The following FOCAD variants were observed in gnomAD, a reference collection of about 807,000 sequenced individuals.
The protein encoded by FOCAD is KIAA1797.
FOCAD carries 198 observed loss-of-function variants against 225.6 expected under a neutral mutation model. The observed-to-expected ratio is 0.88, with a 90% CI of 0.78 to 0.99. The LOEUF is 0.99. FOCAD is among the 50% of genes least tolerant of loss of function. FOCAD has a pLI of 0.00. For synonymous variants in FOCAD, 897 were observed against 755.0 expected, an observed-to-expected ratio of 1.19 and a Z score of -3.08; for missense variants, 2,713 against 2,123.6, an observed-to-expected ratio of 1.28 and a Z score of -5.46.
rs1192552794 is a variant in FOCAD, at chr9:20,664,876, G to A, written c.-78+6050G>A. Among the ~76,000 whole-genome samples the A allele has an allele frequency of 9.9e-5, 15 of 152,036 alleles. No homozygotes were observed. The East Asian group carries it at 2.9e-3, about 29-fold the overall frequency. On this transcript the variant is annotated intron_variant, in intron 2 of 45. Coordinates refer to the FOCAD transcript ENST00000380249. ...TTTAAATACATAAAGTTTAATGTATGTCATATTTACCTCAATAAAACTATT... is the reference window on the plus strand; with the variant it reads ...TTTAAATACATAAAGTTTAATGTATATCATATTTACCTCAATAAAACTATT...
chr9:20,689,694 A>G (rs1302002635), intron 1 of FOCAD, among the ~76,000 whole-genome samples: 3 of 152,132 alleles, frequency 2.0e-5, no homozygotes, highest in South Asian at 2.1e-4. Flanking sequence ...AGAGGAGAAG[A>G]CAGGTTAGAA....
intron 26 of FOCAD, among the ~76,000 whole-genome samples, chr9:20,928,256 C>T (rs1835145191): frequency 6.6e-6 from 1 of 152,090 alleles, no homozygotes; most frequent in African/African-American, 2.4e-5. Flanking sequence ...CATTACCATA[C>T]TTTTCAAAGC....
chr9:20,759,359 C>T (rs902651965), intron 6 of FOCAD, among the ~76,000 whole-genome samples: 2 of 152,156 alleles, frequency 1.3e-5, no homozygotes, highest in Non-Finnish European at 2.9e-5. Context: ...GGTACCAAAA[C>T]AGAGATATAG....
At position 20,948,251 on chromosome 9, in the gene FOCAD, T is replaced by C. The variant is rs781654597; in HGVS notation, c.3676-20T>C. 1.3e-6 allele frequency: 2 copies of C among 1,575,068 alleles called. No individual in the cohort carries two copies. Among genetic ancestry groups the C allele is most frequent in the South Asian group, 2.4e-5 (2 of 83,448 alleles). On this transcript the variant is annotated intron_variant, in intron 30 of 43. Coordinates refer to ENST00000338382, the MANE Select transcript of FOCAD (RefSeq NM_001375567.1). Reference sequence around the variant, plus strand: ...TTTTTTTTTTCTTTTTCTTACCCCATTTTTATTTATTTATATCAGACTTCA... The same window carrying C: ...TTTTTTTTTTCTTTTTCTTACCCCACTTTTATTTATTTATATCAGACTTCA...
At chr9:20,984,451 C>T (rs1330299889) in intron 39 of FOCAD, among the ~76,000 whole-genome samples, 1 of 151,922 alleles carries the variant, frequency 6.6e-6, no homozygotes. Flanking sequence ...AATTTAAAGA[C>T]TAGGAAAACT....
At chr9:20,888,573 T>G (rs1257009796) in intron 21 of FOCAD, among the ~76,000 whole-genome samples, 1 of 152,188 alleles carries the variant, frequency 6.6e-6, no homozygotes, top group African/African-American at 2.4e-5. Context: ...TTTTCCTGTG[T>G]TTTATTTTTA....
At chr9:20,904,538 T>C (rs1256575824) in intron 21 of FOCAD, among the ~76,000 whole-genome samples, 1 of 151,972 alleles carries the variant, frequency 6.6e-6, no homozygotes, top group Non-Finnish European at 1.5e-5. Flanking sequence ...ATACTCCTAT[T>C]GTGGGCTCTT....
Position 20,770,238 on chromosome 9 carries a change from G to A in FOCAD, c.906G>A (p.Glu302=), listed in dbSNP as rs1818062598. 1 of 1,611,902 alleles carries A rather than the reference G, an allele frequency of 6.2e-7. No individual in the cohort carries two copies. Among genetic ancestry groups the A allele is most frequent in the South Asian group, 1.1e-5 (1 of 91,006 alleles). ...AGCACAGTGTTGAACTTCTGAAGGA[G>A]GTAAGGATAGTAGTATATTATACTG... The part of the protein sequence containing the change: ...LLEHSVELLK[E]DFPVELVIIG... Residue 302 remains glutamate (E), a splice_region_variant and synonymous_variant, in exon 8 of 44, where the codon GAG becomes GAA. Transcript: ENST00000338382.
At position 20,803,594 on chromosome 9, in the gene FOCAD, C is replaced by G. The variant is rs192511299; in HGVS notation, c.1455+13986C>G. On this transcript the variant is annotated intron_variant, in intron 11 of 43. Coordinates refer to ENST00000338382, the MANE Select transcript of FOCAD (RefSeq NM_001375567.1). ...ACTCTAGGGGAATTGTTTCAAATCT[C>G]TTATGATAGGGCTGCTTAGAGGAGT... Among the ~76,000 whole-genome samples, 9 of 152,170 alleles carry G rather than the reference C, an allele frequency of 5.9e-5. 1 individual carries two copies. The East Asian group carries it at 9.7e-4, about 16-fold the overall frequency.
chr9:20,707,185 T>A (rs1332031031), intron 1 of FOCAD, among the ~76,000 whole-genome samples: 1 of 152,224 alleles, frequency 6.6e-6, no homozygotes, highest in Non-Finnish European at 1.5e-5. Flanking sequence ...ATTATAATAT[T>A]GACCAAGTGG....
chr9:20,809,264 G>T lies in FOCAD; in HGVS notation c.1456-10532G>T, dbSNP rs144708480. On this transcript the variant is annotated intron_variant, in intron 11 of 43. Transcript: ENST00000338382. ...CATCTCAGCCTTTTAGAACAGCTTT[G>T]TCCAAAAGAACTTTCTGCTATCATG... Among the ~76,000 whole-genome samples, 7 of 152,210 alleles carry T rather than the reference G, an allele frequency of 4.6e-5. No homozygotes were observed. The East Asian group carries it at 1.4e-3, about 29-fold the overall frequency.
At chr9:20,824,135 T>A (rs1824629049) in intron 15 of FOCAD, among the ~76,000 whole-genome samples, 1 of 152,134 alleles carries the variant, frequency 6.6e-6, no homozygotes, top group Non-Finnish European at 1.5e-5. Flanking sequence ...TTGTTAGAAC[T>A]TAATGGCAAG....
In FOCAD at chr9:20,766,108, G is replaced by A. The variant is rs561062243; in HGVS notation, c.699+1035G>A. 5.9e-5 allele frequency among the ~76,000 whole-genome samples: 9 copies of A among 152,252 alleles called. No individual in the cohort carries two copies. The South Asian group carries it at 6.2e-4, about 11-fold the overall frequency. Reference sequence around the variant, plus strand: ...TCTTGAACTAGGGTACATTTTTCACGTCATGGCTGCATTACCCTGTTCTGT... The same window carrying A: ...TCTTGAACTAGGGTACATTTTTCACATCATGGCTGCATTACCCTGTTCTGT... On this transcript the variant is annotated intron_variant, in intron 7 of 43. Transcript: ENST00000338382.
chr9:20,744,832 C>T (rs924293643), intron 5 of FOCAD, among the ~76,000 whole-genome samples: 14 of 152,280 alleles, frequency 9.2e-5, no homozygotes, highest in African/African-American at 3.1e-4. Flanking sequence ...ATGCTGACAA[C>T]CAATTCAAAC....
Position 20,789,598 on chromosome 9 carries a change from A to G in FOCAD, c.1445A>G (p.Asp482Gly). The G allele has an allele frequency of 1.2e-6, 2 of 1,613,918 alleles. No individual in the cohort carries two copies. Among genetic ancestry groups the G allele is most frequent in the Non-Finnish European group, 1.7e-6 (2 of 1,179,870 alleles). ...LKVTTELAQA[D>G]SSQVPNLIPV... is the part of the protein sequence containing the mutation. ...GTCACTACAGAATTAGCCCAAGCAG[A>G]TTCCTCCCAGGTAAAGCAAGAGAAT... Residue 482 changes from aspartate (D) to glycine (G), a missense_variant, in exon 11 of 44, where the codon GAT (aspartate) becomes GGT (glycine). By Grantham distance (94) the Asp-to-Gly change is moderately conservative (BLOSUM62 -1). Coordinates refer to ENST00000338382, the MANE Select transcript of FOCAD (RefSeq NM_001375567.1).
At chr9:20,889,317 T>C (rs1212092678) in intron 21 of FOCAD, among the ~76,000 whole-genome samples, 1 of 152,214 alleles carries the variant, frequency 6.6e-6, no homozygotes, top group Non-Finnish European at 1.5e-5. Flanking sequence ...ACTTCATTCT[T>C]TTTTGTGTGA....
At chr9:20,978,230 T>C (rs1461733813) in intron 36 of FOCAD, 109 bp from the exon 37 acceptor site, 1 of 622,848 alleles carries the variant, frequency 1.6e-6, no homozygotes, top group Non-Finnish European at 2.7e-6. Flanking sequence ...TGAAGTTCTG[T>C]TACCTGCAAA....
At chr9:20,759,715 A>G (rs1563955297) in intron 6 of FOCAD, among the ~76,000 whole-genome samples, 1 of 152,150 alleles carries the variant, frequency 6.6e-6, no homozygotes, top group Non-Finnish European at 1.5e-5. Context: ...AAAAAAATCT[A>G]CCAGATTTAT....
intron 10 of FOCAD, among the ~76,000 whole-genome samples, chr9:20,784,504 G>T (rs1469977920): frequency 6.6e-6 from 1 of 152,112 alleles, no homozygotes; most frequent in Non-Finnish European, 1.5e-5. Flanking sequence ...GGGGAGTAAG[G>T]GTGGATGGGT....
Sources: gnomAD v4.1 joint callset for allele counts (sites outside exome capture counted in the v4.1 genomes callset) on GRCh38, gnomAD v4.1.1 for gene constraint, MANE v1.5 for transcripts, NCBI Gene and HGNC (gene_info 2026-07-23, HGNC 2026-07-21) for gene names.